C13orf42: variants seen among roughly 807,000 people sequenced by gnomAD.
C13orf42 encodes the protein chromosome 13 open reading frame 42, also known as uncharacterized protein C13orf42.
At chr13:51,114,420 T>C (rs1488993475), upstream of C13orf42, among the ~76,000 whole-genome samples, 3 of 152,210 alleles carry the variant, frequency 2.0e-5, no homozygotes, top group African/African-American at 4.8e-5. Context: ...CTCTGGTAAA[T>C]ACCATTTTAT....
At chr13:51,146,283 C>G (rs908257216) in intron 1 of C13orf42, among the ~76,000 whole-genome samples, 4 of 152,164 alleles carry the variant, frequency 2.6e-5, no homozygotes, top group African/African-American at 9.7e-5. Context: ...AGAGATAACA[C>G]AGGAAACTCA....
chr13:51,157,308 C>T (rs1465044198), intron 1 of C13orf42, among the ~76,000 whole-genome samples: 3 of 152,136 alleles, frequency 2.0e-5, no homozygotes, highest in African/African-American at 4.8e-5. Context: ...GTGGTGTGCA[C>T]GTGTAGTCCC....
chr13:51,142,410 C>T (rs1953702178), intron 1 of C13orf42, among the ~76,000 whole-genome samples: 1 of 152,046 alleles, frequency 6.6e-6, no homozygotes, highest in Non-Finnish European at 1.5e-5. Flanking sequence ...TAAATCATGA[C>T]TATCACAGTT....
rs779879784 is a variant in C13orf42, at chr13:51,111,122, C to T, written c.88G>A (p.Ala30Thr). 2.8e-5 allele frequency: 11 copies of T among 398,624 alleles called. No homozygotes were observed. The South Asian group carries it at 5.1e-4, about 18-fold the overall frequency. 24.7% of individuals were successfully genotyped at this position (398,624 alleles called of 1,614,324 possible). Residue 30 changes from alanine (A) to threonine (T), a missense_variant, in exon 1 of 4, where the codon GCA (alanine) becomes ACA (threonine). Ala to Thr is a moderately conservative substitution (Grantham distance 58, BLOSUM62 0). Transcript: ENST00000563710. ...GAACTGCTTCGAATCAGCTTCACTGCGGGGCTGGCTCCTTCGTAGAAGGGG... is the reference window on the plus strand; with the variant it reads ...GAACTGCTTCGAATCAGCTTCACTGTGGGGCTGGCTCCTTCGTAGAAGGGG... Reference protein sequence around the residue: ...ESPFYEGASPAVKLIRSSSMY... With the variant: ...ESPFYEGASPTVKLIRSSSMY...
chr13:51,091,825 G>C (rs1352796062), intron 1 of C13orf42, among the ~76,000 whole-genome samples: 1 of 152,164 alleles, frequency 6.6e-6, no homozygotes, highest in African/African-American at 2.4e-5. Flanking sequence ...GCAGACAGGA[G>C]TGTCTCCATG....
intron 1 of C13orf42, among the ~76,000 whole-genome samples, chr13:51,105,439 A>G (rs75415660): frequency 0.043 from 6,500 of 152,316 alleles, 222 homozygotes; most frequent in East Asian, 0.13. Flanking sequence ...TGATATATTA[A>G]TAAACTGTTA....
chr13:51,157,138 T>A (rs1002723181), intron 1 of C13orf42, among the ~76,000 whole-genome samples: 2 of 152,126 alleles, frequency 1.3e-5, no homozygotes, highest in Non-Finnish European at 2.9e-5. Flanking sequence ...CCTTTCCCCA[T>A]CAATTCCCAC....
At chr13:51,118,643 C>A (rs898062187) in intron 1 of C13orf42, among the ~76,000 whole-genome samples, 1 of 152,194 alleles carries the variant, frequency 6.6e-6, no homozygotes, top group Non-Finnish European at 1.5e-5. Flanking sequence ...AGTGGTGACT[C>A]TTCTTCAGGC....
chr13:51,137,664 T>C (rs936409924), intron 1 of C13orf42, among the ~76,000 whole-genome samples: 6 of 152,202 alleles, frequency 3.9e-5, no homozygotes, highest in African/African-American at 1.4e-4. Context: ...TTCCTCCTCC[T>C]TTCCTCTTTC....
chr13:51,124,828 A>G (rs556322609), intron 1 of C13orf42, among the ~76,000 whole-genome samples: 36 of 151,950 alleles, frequency 2.4e-4, no homozygotes, highest in Non-Finnish European at 5.1e-4. Flanking sequence ...AGCTGGTTTC[A>G]CTCCCCCAGC....
At chr13:51,153,071 G>T (rs1953792166) in intron 1 of C13orf42, among the ~76,000 whole-genome samples, 1 of 152,212 alleles carries the variant, frequency 6.6e-6, no homozygotes, top group African/African-American at 2.4e-5. Flanking sequence ...GTGCTCTGCA[G>T]TGGCAATCTT....
intron 2 of C13orf42, among the ~76,000 whole-genome samples, chr13:51,086,200 G>A (rs1330589383): frequency 2.6e-5 from 4 of 152,070 alleles, no homozygotes; most frequent in African/African-American, 9.6e-5. Context: ...CCAGCTACTC[G>A]GGAGGCTGAG....
chr13:51,109,405 A>G (rs1314225056), intron 1 of C13orf42, among the ~76,000 whole-genome samples: 1 of 152,156 alleles, frequency 6.6e-6, no homozygotes, highest in Non-Finnish European at 1.5e-5. Flanking sequence ...CAGGAAAATG[A>G]CTGATGGAAG....
rs1026167505 is a variant in C13orf42 at position 51,148,853 on chromosome 13, G to A, written n.136+23400C>T. 5.3e-5 allele frequency among the ~76,000 whole-genome samples: 8 copies of A among 152,188 alleles called. No homozygotes were observed. The South Asian group carries it at 6.2e-4, about 12-fold the overall frequency. On this transcript the variant is annotated intron_variant and non_coding_transcript_variant, in intron 1 of 4. Coordinates refer to the C13orf42 transcript ENST00000433280. ...CGTTTGGGCTTGCTGCTGCCTCCACGCCCTGGCTGCCCACCTCAAAGGCTC... is the reference window on the plus strand; with the variant it reads ...CGTTTGGGCTTGCTGCTGCCTCCACACCCTGGCTGCCCACCTCAAAGGCTC...
At chr13:51,127,593 T>A (rs1160733926) in intron 1 of C13orf42, among the ~76,000 whole-genome samples, 2 of 152,208 alleles carry the variant, frequency 1.3e-5, no homozygotes, top group Non-Finnish European at 2.9e-5. Context: ...AGTGTTACCT[T>A]CCATGAAATC....
At chr13:51,122,487 T>C (rs1256802719) in intron 1 of C13orf42, among the ~76,000 whole-genome samples, 2 of 149,404 alleles carry the variant, frequency 1.3e-5, no homozygotes, top group African/African-American at 2.5e-5. Flanking sequence ...TAAACCAAGA[T>C]TGCGCCACTG....
At chr13:51,127,298 C>T (rs900612988) in intron 1 of C13orf42, among the ~76,000 whole-genome samples, 14 of 152,224 alleles carry the variant, frequency 9.2e-5, no homozygotes, top group Middle Eastern at 3.4e-3. Context: ...GGCAATTTAC[C>T]GACTCACTCA....
intron 2 of C13orf42, 103 bp downstream of exon 2, chr13:51,087,825 G>T (rs1033257453): frequency 7.6e-6 from 3 of 396,792 alleles, no homozygotes; most frequent in African/African-American, 6.2e-5. Context: ...ATTCCTGATG[G>T]CCTATTCTAT....
upstream of C13orf42, among the ~76,000 whole-genome samples, chr13:51,112,640 C>T (rs1460378656): frequency 6.6e-6 from 1 of 152,162 alleles, no homozygotes; most frequent in Admixed American, 6.5e-5. Context: ...AGCATCTCCA[C>T]ACATACTAAC....
Sources: allele counts gnomAD v4.1 joint callset (sites outside exome capture counted in the v4.1 genomes callset), GRCh38; gene constraint gnomAD v4.1.1; transcripts MANE v1.5; gene names NCBI Gene and HGNC (gene_info 2026-07-23, HGNC 2026-07-21).